Variants in WDFY3 observed in about 807,000 individuals in gnomAD.
WDFY3 encodes the protein WD repeat and FYVE domain-containing protein 3.
A neutral mutation model predicts 409.6 loss-of-function variants in WDFY3; 66 were observed. The observed-to-expected ratio is 0.16, with a 90% CI of 0.13 to 0.20. The LOEUF is 0.20. WDFY3 is among the 10% of genes least tolerant of loss of function. The pLI is 1.00. For synonymous variants in WDFY3, 1,521 were observed against 1,537.1 expected, an observed-to-expected ratio of 0.99 and a Z score of 0.25; for missense variants, 3,031 against 4,298.1, an observed-to-expected ratio of 0.71 and a Z score of 8.24.
intron 1 of WDFY3, among the ~76,000 whole-genome samples, chr4:84,939,332 T>C (rs996732123): frequency 2.0e-5 from 3 of 152,218 alleles, no homozygotes; most frequent in Non-Finnish European, 4.4e-5. Flanking sequence ...ATGGTGACCA[T>C]CTGCCCCATA....
intron 3 of WDFY3, among the ~76,000 whole-genome samples, chr4:84,882,304 C>T (rs1382639702): frequency 6.6e-6 from 1 of 152,140 alleles, no homozygotes; most frequent in African/African-American, 2.4e-5. Context: ...AATAAGTGCA[C>T]AGCTCCACCA....
intron 3 of WDFY3, among the ~76,000 whole-genome samples, chr4:84,873,512 C>A (rs1474033354): frequency 2.0e-5 from 3 of 151,874 alleles, no homozygotes; most frequent in Admixed American, 6.6e-5. Flanking sequence ...ATTTTCCTCA[C>A]AGAACTAAAT....
At chr4:84,817,697 A>G in intron 12 of WDFY3, 112 bp from the exon 13 acceptor site, 7 of 969,574 alleles carry the variant, frequency 7.2e-6, no homozygotes, top group Non-Finnish European at 1.1e-5. Context: ...ATAATAATGT[A>G]AATAAAACCT....
At chr4:84,834,376 GTGGCTCACGCC>G (rs1332794466) in intron 7 of WDFY3, among the ~76,000 whole-genome samples, 1 of 152,096 alleles carries the variant, frequency 6.6e-6, no homozygotes, top group Non-Finnish European at 1.5e-5. Flanking sequence ...GCTGGGTGTG[GTGGCTCACGCC>G]TGTAATCCCA....
chr4:84,870,334 G>A (rs922239450), intron 3 of WDFY3, among the ~76,000 whole-genome samples: 2 of 152,084 alleles, frequency 1.3e-5, no homozygotes, highest in Admixed American at 6.6e-5. Flanking sequence ...AACTGAGGTC[G>A]CAGGGCAAAC....
chr4:84,727,249 C>A lies in WDFY3; in HGVS notation c.7222-338G>T, dbSNP rs1019717167. Among the ~76,000 whole-genome samples, 15 of 151,090 alleles carry A rather than the reference C, an allele frequency of 9.9e-5. No individual in the cohort carries two copies. The Middle Eastern group carries it at 0.014, about 137-fold the overall frequency. On this transcript the variant is annotated intron_variant, in intron 44 of 67. Coordinates refer to ENST00000295888, the MANE Select transcript of WDFY3 (RefSeq NM_014991.6). Reference sequence around the variant, plus strand: ...TCTTTACATTGTTTAAAAAAAAAAACAAAAAACAAAAAACCTGAAATCAGG... The same window carrying A: ...TCTTTACATTGTTTAAAAAAAAAAAAAAAAAACAAAAAACCTGAAATCAGG...
intron 3 of WDFY3, among the ~76,000 whole-genome samples, chr4:84,892,919 A>G (rs1765139437): frequency 6.6e-6 from 1 of 152,238 alleles, no homozygotes; most frequent in Non-Finnish European, 1.5e-5. Flanking sequence ...TTCACAGCAG[A>G]ACAGAAACCT....
chr4:84,716,726 G>A (rs1560588108), intron 49 of WDFY3, among the ~76,000 whole-genome samples, 170 bp downstream of exon 49: 2 of 151,948 alleles, frequency 1.3e-5, no homozygotes, highest in Admixed American at 6.6e-5. Context: ...GTGAACCCGG[G>A]AGGCGGAGGT....
At chr4:84,798,248 G>A in intron 17 of WDFY3, 140 bp from the exon 18 acceptor site, 1 of 665,816 alleles carries the variant, frequency 1.5e-6, no homozygotes, top group Non-Finnish European at 2.4e-6. Flanking sequence ...AAACAATATA[G>A]TGTTAGTTTT....
chr4:84,885,195 G>A (rs1313948148), intron 3 of WDFY3, among the ~76,000 whole-genome samples: 1 of 151,772 alleles, frequency 6.6e-6, no homozygotes, highest in Non-Finnish European at 1.5e-5. Flanking sequence ...GTAGAGATGG[G>A]GATTCCACCA....
chr4:84,741,093 C>T (rs1738327391), intron 38 of WDFY3, among the ~76,000 whole-genome samples: 1 of 152,132 alleles, frequency 6.6e-6, no homozygotes, highest in Admixed American at 6.5e-5. Context: ...TGTAAAGATT[C>T]AACTGATAAG....
rs188338451 is a variant in WDFY3 at position 84,765,400 on chromosome 4, T to G, written c.5188+410A>C. Among the ~76,000 whole-genome samples the G allele has an allele frequency of 3.3e-5, 5 of 152,314 alleles. 1 individual carries two copies. The East Asian group carries it at 9.7e-4, about 29-fold the overall frequency. On this transcript the variant is annotated intron_variant, in intron 32 of 67. Transcript: ENST00000295888. ...TTCCTAATCTGCAAAATAGATATGA[T>G]AGCATTTGCACCTCACAGAGTTATT...
rs147240921 is a variant in WDFY3 at position 84,854,901 on chromosome 4, G to A, written c.181-4876C>T. Among the ~76,000 whole-genome samples the A allele has an allele frequency of 4.7e-3, 710 of 152,204 alleles. 6 individuals are homozygous for A. The highest frequency in any genetic ancestry group is 0.016 in the African/African-American group (658 of 41,536). ...TCCAGCCTGAGCAACAACAGAGCCA[G>A]ACTTGGTCTCAAACAAACAACGACA... On this transcript the variant is annotated intron_variant, in intron 4 of 67. Coordinates refer to ENST00000295888, the MANE Select transcript of WDFY3 (RefSeq NM_014991.6).
chr4:84,862,819 C>T (rs1215631374), intron 3 of WDFY3, among the ~76,000 whole-genome samples: 1 of 152,176 alleles, frequency 6.6e-6, no homozygotes, highest in Non-Finnish European at 1.5e-5. Flanking sequence ...AACCCCGTCT[C>T]TACTAAAAGT....
intron 25 of WDFY3, 49 bp from the exon 26 acceptor site, chr4:84,780,347 C>A (rs752547748): frequency 1.3e-6 from 2 of 1,551,328 alleles, no homozygotes; most frequent in Non-Finnish European, 8.7e-7. Context: ...CCCATGTGAA[C>A]AAGAACTGTA....
At position 84,737,373 on chromosome 4, in the gene WDFY3, A is replaced by C; in HGVS notation, c.6575-7T>G. 6.7e-7 allele frequency: 1 copy of C among 1,489,052 alleles called. No individual in the cohort carries two copies. The allele number at this position is 1,489,052 out of a possible 1,614,324, so 92.2% of individuals were successfully genotyped here. Reference sequence around the variant, plus strand: ...TTTATGAGAAGCTGACGCCCTAGTAAACAAACAAACAAACAAACAAAAAAG... The same window carrying C: ...TTTATGAGAAGCTGACGCCCTAGTACACAAACAAACAAACAAACAAAAAAG... On this transcript the variant is annotated splice_region_variant and splice_polypyrimidine_tract_variant and intron_variant, in intron 40 of 67. Transcript: ENST00000295888.
intron 3 of WDFY3, among the ~76,000 whole-genome samples, chr4:84,869,031 T>C (rs1761820502): frequency 6.6e-6 from 1 of 152,226 alleles, no homozygotes; most frequent in African/African-American, 2.4e-5. Context: ...AGTTGTGCAT[T>C]CTACATACGT....
intron 53 of WDFY3, among the ~76,000 whole-genome samples, chr4:84,706,012 A>G (rs1356312751): frequency 2.0e-5 from 3 of 152,016 alleles, no homozygotes; most frequent in South Asian, 4.2e-4. Flanking sequence ...AAAAACTAGA[A>G]CACTCAGTAA....
chr4:84,782,756 T>A (rs1358233430), intron 25 of WDFY3, among the ~76,000 whole-genome samples: 1 of 152,226 alleles, frequency 6.6e-6, no homozygotes, highest in Non-Finnish European at 1.5e-5. Flanking sequence ...GGTGGATATG[T>A]AAAAGTTAGT....
Sources: allele counts gnomAD v4.1 joint callset (sites outside exome capture counted in the v4.1 genomes callset), GRCh38; gene constraint gnomAD v4.1.1; transcripts MANE v1.5; gene names NCBI Gene and HGNC (gene_info 2026-07-23, HGNC 2026-07-21).